SMG5: variants seen among roughly 807,000 people sequenced by gnomAD.
The protein encoded by SMG5 is nonsense-mediated mRNA decay factor SMG5.
A neutral mutation model predicts 122.9 loss-of-function variants in SMG5; 53 were observed. The ratio of observed to expected loss-of-function variants is 0.43; its 90% confidence interval spans 0.35 to 0.54. The LOEUF (loss-of-function observed/expected upper bound fraction) is 0.54, where lower values mean the gene tolerates loss of function less well. Ranked by LOEUF, SMG5 falls within the 20% of genes least tolerant of loss-of-function variation. The probability of loss-of-function intolerance (pLI) is 0.01; values close to 1 mark genes in which losing one functional copy is unlikely to be tolerated. For missense variants in SMG5, 1,153 were observed against 1,285.6 expected (o/e 0.90, Z 1.58); for synonymous variants, 477 against 490.2 (o/e 0.97, Z 0.35).
rs1026360357 is a variant in SMG5, at chr1:156,260,390, C to T, written c.2283+61G>A. ...TGCCCCCTCCCTCCCCAGATCTGAA[C>T]CCATTTGCTGCTGTTTGTGACTGAC... On this transcript the variant is annotated intron_variant, in intron 15 of 21. Coordinates refer to ENST00000361813, the MANE Select transcript of SMG5 (RefSeq NM_015327.3). 15 of 1,565,242 alleles carry T rather than the reference C, an allele frequency of 9.6e-6. No individual in the cohort carries two copies. The Admixed American group carries it at 2.3e-4, about 24-fold the overall frequency.
At chr1:156,288,649 C>CT in the SMG5 span, among the ~76,000 whole-genome samples, 1 of 152,108 alleles carries the variant, frequency 6.6e-6, no homozygotes, top group African/African-American at 2.4e-5. Context: ...GCTCTTGTTA[C>CT]TTTTGATACA....
intron 7 of SMG5, among the ~76,000 whole-genome samples, chr1:156,270,379 G>A (rs1230745969): frequency 2.6e-5 from 4 of 152,188 alleles, no homozygotes; most frequent in Non-Finnish European, 5.9e-5. Flanking sequence ...AAGATACCAC[G>A]CATGGTCCTA....
intron 6 of SMG5, among the ~76,000 whole-genome samples, chr1:156,272,865 T>C (rs1487200835): frequency 1.3e-5 from 2 of 152,116 alleles, no homozygotes; most frequent in African/African-American, 4.8e-5. Context: ...GCGCCCGGCC[T>C]ACTGACCTCT....
the SMG5 span, chr1:156,291,442 C>T: frequency 1.9e-6 from 3 of 1,614,024 alleles, no homozygotes; most frequent in Non-Finnish European, 2.5e-6. Flanking sequence ...TCGGCTACGG[C>T]CTGACGTTTC....
Position 156,266,284 on chromosome 1 carries a change from C to A in SMG5, c.1352G>T (p.Arg451Leu), listed in dbSNP as rs539302589. The stretch of plus-strand genomic sequence containing the variant: ...GAGACAGGAGAGGCGAGAGAACTTA[C>A]GGCTCTTTCTGCCCTCACCCACTTG... ...TPQVGEGRKS[R>L]KFSRLSCLRR... Residue 451 changes from arginine (R) to leucine (L), a missense_variant, in exon 12 of 22, where the codon CGT becomes CTT. Transcript: ENST00000361813. 102 of 1,614,094 alleles carry A rather than the reference C, an allele frequency of 6.3e-5. No individual in the cohort carries two copies. Among genetic ancestry groups the A allele is most frequent in the Non-Finnish European group, 8.2e-5 (97 of 1,180,042 alleles).
At position 156,252,459 on chromosome 1, in the gene SMG5, C is replaced by T; in HGVS notation, c.2708G>A (p.Arg903Gln). 1 of 1,613,912 alleles carries T rather than the reference C, an allele frequency of 6.2e-7. No individual in the cohort carries two copies. Among genetic ancestry groups the T allele is most frequent in the Non-Finnish European group, 8.5e-7 (1 of 1,179,972 alleles). The change falls in exon 19 of 22, where the codon CGG (arginine) becomes CAG (glutamine). Residue 903 changes from arginine to glutamine, a missense_variant. By Grantham distance (43) the Arg-to-Gln change is conservative (BLOSUM62 1). Around this residue, in one of 5 missense-constraint regions of SMG5, gnomAD observed 140 missense variants for 227.8 expected, o/e 0.61. Coordinates refer to ENST00000361813, the MANE Select transcript of SMG5 (RefSeq NM_015327.3). Reference sequence around the variant, plus strand: ...TGCCTCCAGGTACCGAATCCCATCCCGGGCCCCTGGGTGTTCCTTCTTCAG... The same window carrying T: ...TGCCTCCAGGTACCGAATCCCATCCTGGGCCCCTGGGTGTTCCTTCTTCAG... ...DLLKKEHPGA[R>Q]DGIRYLEAEF...
Position 156,260,512 on chromosome 1 carries a change from C to T in SMG5, c.2222G>A (p.Arg741Gln), listed in dbSNP as rs368730158. The change falls in exon 15 of 22, where the codon CGA becomes CAA. Residue 741 changes from arginine to glutamine, a missense_variant. By Grantham distance (43) the Arg-to-Gln change is conservative. Transcript: ENST00000361813. ...AAAGTTAAAGCGTCTGTGGGCAGCT[C>T]GGAGCGGGGGCAGGTTACGAAGAGC... ...DMALRNLPPL[R>Q]AAHRRFNFDT... 1.2e-5 allele frequency: 19 copies of T among 1,590,150 alleles called. No individual in the cohort carries two copies. The highest frequency in any genetic ancestry group is 4.1e-5 in the African/African-American group (3 of 72,930).
chr1:156,260,348 AGT>A, intron 15 of SMG5, 101 bp downstream of exon 15: 1 of 1,338,112 alleles, frequency 7.5e-7, no homozygotes, highest in Non-Finnish European at 1.0e-6. Context: ...TCCCTGTCTG[AGT>A]GGAAGAGGGC....
At chr1:156,285,983 G>A, upstream of SMG5, 1 of 1,598,628 alleles carries the variant, frequency 6.3e-7, no homozygotes, top group Non-Finnish European at 8.5e-7. Flanking sequence ...CATTGTGCTG[G>A]GTGAGCCTGT....
rs770185317 is a variant in SMG5, at chr1:156,268,129, T to C, written c.894A>G (p.Leu298=). Reference sequence around the variant, plus strand: ...CTTCCACTCACCTGCTTTTGGGCTGTAGGAGGCTTTGCAGATACATAAAGT... The same window carrying C: ...CTTCCACTCACCTGCTTTTGGGCTGCAGGAGGCTTTGCAGATACATAAAGT... ...LVNFMYLQSL[L]QPKSSSVDSE... Residue 298 remains leucine, a synonymous_variant, in exon 9 of 22, where the codon CTA becomes CTG. Transcript: ENST00000361813. 12 of 1,614,162 alleles carry C rather than the reference T, an allele frequency of 7.4e-6. No homozygotes were observed. The highest frequency in any genetic ancestry group is 9.3e-6 in the Non-Finnish European group (11 of 1,180,014).
upstream of SMG5, among the ~76,000 whole-genome samples, chr1:156,284,745 G>A (rs1185796674): frequency 6.6e-6 from 1 of 152,200 alleles, no homozygotes; most frequent in Non-Finnish European, 1.5e-5. Flanking sequence ...GGGATGTGTA[G>A]GGATGGGACA....
chr1:156,266,184 A>C lies in SMG5; in HGVS notation c.1452T>G (p.His484Gln). 5.6e-6 allele frequency: 9 copies of C among 1,614,236 alleles called. No individual in the cohort carries two copies. Among genetic ancestry groups the C allele is most frequent in the Non-Finnish European group, 7.6e-6 (9 of 1,180,052 alleles). ...AGCCCTCACTGGCCCGGGCTGAGTCATGGCTTGAGTCCGATTCAAAGCCTT... is the reference window on the plus strand; with the variant it reads ...AGCCCTCACTGGCCCGGGCTGAGTCCTGGCTTGAGTCCGATTCAAAGCCTT... Reference protein sequence around the residue: ...LSEGFESDSSHDSARASEGSD... With the variant: ...LSEGFESDSSQDSARASEGSD... Residue 484 changes from histidine to glutamine, a missense_variant, in exon 12 of 22, where the codon CAT becomes CAG. Transcript: ENST00000361813.
chr1:156,252,584 T>C lies in SMG5; in HGVS notation c.2663-80A>G, dbSNP rs1440412335. 3.5e-6 allele frequency: 5 copies of C among 1,422,962 alleles called. No individual in the cohort carries two copies. In the East Asian group the frequency reaches 9.2e-5, roughly 26 times the overall value. 88.1% of individuals were successfully genotyped at this position (1,422,962 alleles called of 1,614,324 possible). A position where few individuals can be genotyped will look rare whatever the true frequency, so the allele number is the denominator to read the frequency against. On this transcript the variant is annotated intron_variant, in intron 18 of 21. Coordinates refer to ENST00000361813, the MANE Select transcript of SMG5 (RefSeq NM_015327.3). ...GGGGCTCTGGAGGAAGTATCTGAGC[T>C]CACCTCAGTACACTCTTCAGGCAGA...
At chr1:156,275,131 T>TAAAAA (rs760480249) in intron 4 of SMG5, among the ~76,000 whole-genome samples, 4 of 86,880 alleles carry the variant, frequency 4.6e-5, no homozygotes, top group Non-Finnish European at 6.6e-5. Flanking sequence ...TGACGCCAAT[T>TAAAAA]AAAAAAAAAA....
intron 1 of SMG5, among the ~76,000 whole-genome samples, chr1:156,280,013 T>C (rs1662859251): frequency 6.6e-6 from 1 of 152,220 alleles, no homozygotes; most frequent in African/African-American, 2.4e-5. Flanking sequence ...TTAAATTAGC[T>C]AATACATAAA....
chr1:156,253,609 A>T, intron 16 of SMG5, 101 bp from the exon 17 acceptor site: 1 of 1,046,994 alleles, frequency 9.6e-7, no homozygotes, highest in East Asian at 2.4e-5. Context: ...GTGTGACCTC[A>T]TGCAAAGTCA....
chr1:156,259,648 G>A (rs1661730823), intron 15 of SMG5, among the ~76,000 whole-genome samples: 1 of 151,966 alleles, frequency 6.6e-6, no homozygotes, highest in Non-Finnish European at 1.5e-5. Flanking sequence ...TCCTGCCTCG[G>A]CCCCCAAGTA....
chr1:156,278,862 TA>T, intron 2 of SMG5, 73 bp downstream of exon 2: 1 of 1,255,818 alleles, frequency 8.0e-7, no homozygotes, highest in East Asian at 2.3e-5. Flanking sequence ...TGCGTGTTTA[TA>T]TATCTGAGAA....
At chr1:156,275,165 A>G (rs959199173) in intron 4 of SMG5, among the ~76,000 whole-genome samples, 2 of 151,386 alleles carry the variant, frequency 1.3e-5, no homozygotes, top group Admixed American at 1.3e-4. Flanking sequence ...AAACAACGAC[A>G]ACAACAAAAT....
Sources: allele counts gnomAD v4.1 joint callset (sites outside exome capture counted in the v4.1 genomes callset), GRCh38; gene constraint gnomAD v4.1.1; regional missense constraint gnomAD v4.1.1; transcripts MANE v1.5; gene names NCBI Gene and HGNC (gene_info 2026-07-23, HGNC 2026-07-21).